The following ANKRD13C variants were observed in gnomAD, a reference collection of about 807,000 sequenced individuals.
The protein encoded by ANKRD13C is ankyrin repeat domain 13C, also known as ankyrin repeat domain-containing protein 13C.
Under a neutral mutation model 65.5 loss-of-function variants are expected in ANKRD13C, and 16 were observed. The ratio of observed to expected loss-of-function variants is 0.24; its 90% CI spans 0.17 to 0.37. The LOEUF is 0.37. ANKRD13C is among the 10% of genes least tolerant of loss of function. The pLI is 1.00. For missense variants in ANKRD13C, 503 were observed against 655.9 expected (o/e 0.77, Z 2.55); for synonymous variants, 235 against 238.7 (o/e 0.98, Z 0.14).
At chr1:70,349,792 T>C (rs1363138961) in intron 1 of ANKRD13C, among the ~76,000 whole-genome samples, 3 of 151,984 alleles carry the variant, frequency 2.0e-5, no homozygotes, top group Admixed American at 6.6e-5. Context: ...CAAGAAGGGA[T>C]AGAATGGAAA....
At chr1:70,311,953 AT>A (rs1680866989) in intron 5 of ANKRD13C, among the ~76,000 whole-genome samples, 1 of 152,180 alleles carries the variant, frequency 6.6e-6, no homozygotes, top group Non-Finnish European at 1.5e-5. Context: ...CAAAAATATA[AT>A]TTGTAGAAAA....
intron 9 of ANKRD13C, among the ~76,000 whole-genome samples, chr1:70,284,114 A>C (rs939077294): frequency 6.6e-6 from 1 of 152,204 alleles, no homozygotes; most frequent in African/African-American, 2.4e-5. Context: ...CAGTAAAAGT[A>C]ATCAAATGGC....
intron 1 of ANKRD13C, among the ~76,000 whole-genome samples, chr1:70,346,819 C>T (rs1327525803): frequency 7.2e-5 from 11 of 152,062 alleles, no homozygotes; most frequent in Admixed American, 1.3e-4. Context: ...CGGGCGGGCG[C>T]GGTGGCTCAC....
intron 1 of ANKRD13C, among the ~76,000 whole-genome samples, chr1:70,336,873 T>C (rs1364376399): frequency 6.6e-6 from 1 of 152,192 alleles, no homozygotes; most frequent in Non-Finnish European, 1.5e-5. Context: ...CATCCTATAG[T>C]TGATGTTATA....
chr1:70,300,325 C>T (rs1229820819), intron 7 of ANKRD13C, among the ~76,000 whole-genome samples: 1 of 152,106 alleles, frequency 6.6e-6, no homozygotes, highest in African/African-American at 2.4e-5. Context: ...CAGTGGCTCA[C>T]GCCTGTAATC....
intron 4 of ANKRD13C, among the ~76,000 whole-genome samples, chr1:70,314,424 CT>C (rs2101470217): frequency 6.6e-6 from 1 of 151,402 alleles, no homozygotes; most frequent in African/African-American, 2.4e-5. Context: ...GGAGTTTCAC[CT>C]TTTTGGTCAG....
intron 1 of ANKRD13C, among the ~76,000 whole-genome samples, chr1:70,338,631 C>T (rs780719994): frequency 1.1e-4 from 17 of 151,994 alleles, no homozygotes; most frequent in Non-Finnish European, 2.2e-4. Flanking sequence ...AACTCCTGAC[C>T]TCAGGTGATC....
intron 7 of ANKRD13C, 90 bp from the exon 8 acceptor site, chr1:70,296,351 AC>A: frequency 3.9e-6 from 5 of 1,298,008 alleles, no homozygotes; most frequent in Non-Finnish European, 5.3e-6. Flanking sequence ...TTATAATGGT[AC>A]CAATTTTTAA....
At chr1:70,309,599 G>A (rs764386172) in intron 5 of ANKRD13C, among the ~76,000 whole-genome samples, 14 of 149,604 alleles carry the variant, frequency 9.4e-5, no homozygotes, top group Non-Finnish European at 1.9e-4. Context: ...GGTGGCGGGC[G>A]CCTGTAGTCC....
intron 6 of ANKRD13C, among the ~76,000 whole-genome samples, chr1:70,302,119 A>G (rs1281463629): frequency 5.9e-5 from 9 of 152,212 alleles, no homozygotes; most frequent in Non-Finnish European, 1.2e-4. Context: ...CATGCCTCAC[A>G]TGCTGCATGA....
At chr1:70,330,634 C>A (rs1281434023) in intron 2 of ANKRD13C, among the ~76,000 whole-genome samples, 2 of 141,930 alleles carry the variant, frequency 1.4e-5, no homozygotes. Context: ...TAAAGACGAT[C>A]AAATATAGAG....
intron 2 of ANKRD13C, among the ~76,000 whole-genome samples, chr1:70,335,360 T>G (rs1407282950): frequency 6.7e-6 from 1 of 150,040 alleles, no homozygotes; most frequent in Non-Finnish European, 1.5e-5. Context: ...GAGCTAAGAC[T>G]GCACCACTGT....
intron 9 of ANKRD13C, among the ~76,000 whole-genome samples, chr1:70,283,139 A>G (rs1679469287): frequency 6.6e-6 from 1 of 152,188 alleles, no homozygotes; most frequent in Non-Finnish European, 1.5e-5. Context: ...AGTTTAAATT[A>G]GTCCTTTATT....
intron 1 of ANKRD13C, among the ~76,000 whole-genome samples, chr1:70,344,539 C>T (rs570790226): frequency 1.5e-4 from 23 of 151,888 alleles, no homozygotes; most frequent in African/African-American, 5.3e-4. Context: ...ATGTGTTGGG[C>T]ACTATGCTGT....
At position 70,274,755 on chromosome 1, in the gene ANKRD13C, T is replaced by C; in HGVS notation, c.1359A>G (p.Ile453Met). 1 of 1,613,934 alleles carries C rather than the reference T, an allele frequency of 6.2e-7. No individual in the cohort carries two copies. The highest frequency in any genetic ancestry group is 1.3e-5 in the African/African-American group (1 of 75,034). ...CTAAGGGAAATTCCTGGCTCATGGCTATCGTAGCTTTAAACGTTTTCTTAC... is the reference window on the plus strand; with the variant it reads ...CTAAGGGAAATTCCTGGCTCATGGCCATCGTAGCTTTAAACGTTTTCTTAC... Reference protein sequence around the residue: ...KESKKTFKATIAMSQEFPLGI... With the variant: ...KESKKTFKATMAMSQEFPLGI... The change falls in exon 11 of 13, where the codon ATA becomes ATG. Residue 453 changes from isoleucine to methionine, a missense_variant. By Grantham distance (10) the Ile-to-Met change is conservative (BLOSUM62 1). This residue lies in a region of ANKRD13C where 300 missense variants were observed against 478.3 expected (regional missense o/e 0.63). Transcript: ENST00000370944.
intron 2 of ANKRD13C, among the ~76,000 whole-genome samples, chr1:70,331,031 A>C (rs1482478165): frequency 6.6e-6 from 1 of 152,194 alleles, no homozygotes; most frequent in Non-Finnish European, 1.5e-5. Flanking sequence ...AACGTTATTC[A>C]GTAGGTTAAG....
At chr1:70,302,589 A>G (rs187683829) in intron 6 of ANKRD13C, among the ~76,000 whole-genome samples, 3 of 135,494 alleles carry the variant, frequency 2.2e-5, no homozygotes, top group Non-Finnish European at 3.1e-5. Context: ...AGCCGGGCGT[A>G]GTGGCGGGCG....
intron 9 of ANKRD13C, among the ~76,000 whole-genome samples, chr1:70,277,321 G>A (rs186746597): frequency 6.6e-6 from 1 of 152,228 alleles, no homozygotes; most frequent in African/African-American, 2.4e-5. Context: ...ATCCGGGCGT[G>A]ATGGTGAGTG....
rs552133542 is a variant in ANKRD13C at position 70,259,421 on chromosome 1, C to T, written c.*3296G>A. On this transcript the variant is annotated 3_prime_UTR_variant, in exon 13 of 13. Coordinates refer to ENST00000370944, the MANE Select transcript of ANKRD13C (RefSeq NM_030816.5). ...ATTGTAATTCTATGTACCATAGGTA[C>T]CATTATGACTGAAAGTATTACTCTT... Among the ~76,000 whole-genome samples the T allele has an allele frequency of 9.5e-4, 145 of 152,174 alleles. No homozygotes were observed. The highest frequency in any genetic ancestry group is 6.8e-3 in the Middle Eastern group (2 of 294).
Sources: gnomAD v4.1 joint callset for allele counts (sites outside exome capture counted in the v4.1 genomes callset) on GRCh38, gnomAD v4.1.1 for gene constraint, gnomAD v4.1.1 regional missense constraint, MANE v1.5 for transcripts, NCBI Gene and HGNC (gene_info 2026-07-23, HGNC 2026-07-21) for gene names.